Variants in STON1 observed in about 807,000 individuals in gnomAD.
STON1 encodes the protein stonin-1.
Under a neutral mutation model 60.9 loss-of-function variants are expected in STON1, and 79 were observed. The observed-to-expected ratio is 1.30, with a 90% CI of 1.08 to 1.56. The LOEUF is 1.56. Among genes scored for constraint, STON1 ranks in the 40% most tolerant of loss-of-function variants. The pLI is 0.00. For synonymous variants in STON1, 363 were observed against 306.9 expected, an observed-to-expected ratio of 1.18 and a Z score of -1.91; for missense variants, 1,166 against 858.9, an observed-to-expected ratio of 1.36 and a Z score of -4.47.
chr2:48,545,922 T>C (rs1282774305), intron 1 of STON1, among the ~76,000 whole-genome samples: 7 of 152,210 alleles, frequency 4.6e-5, no homozygotes, highest in Admixed American at 4.6e-4. Context: ...CTGTGGAGAA[T>C]GATGAGGGTG....
chr2:48,593,837 T>C (rs908061477), intron 3 of STON1, among the ~76,000 whole-genome samples: 5 of 152,202 alleles, frequency 3.3e-5, no homozygotes, highest in Non-Finnish European at 7.3e-5. Context: ...CAGTTATCTT[T>C]TTCTACTGAT....
chr2:48,539,272 T>C (rs755577810), intron 1 of STON1, among the ~76,000 whole-genome samples: 1 of 152,194 alleles, frequency 6.6e-6, no homozygotes, highest in Non-Finnish European at 1.5e-5. Context: ...TCTTTATTAA[T>C]ATAGATGTCT....
At chr2:48,592,224 A>G (rs145311318) in intron 3 of STON1, among the ~76,000 whole-genome samples, 117 of 152,336 alleles carry the variant, frequency 7.7e-4, no homozygotes, top group African/African-American at 2.7e-3. Context: ...GGAATGCCGT[A>G]TACTAAATTA....
chr2:48,551,639 C>G (rs1039192180), intron 1 of STON1, among the ~76,000 whole-genome samples: 6 of 152,276 alleles, frequency 3.9e-5, no homozygotes, highest in Non-Finnish European at 7.3e-5. Flanking sequence ...CTCTCCCTTT[C>G]TTTCCCAGCC....
intron 1 of STON1, among the ~76,000 whole-genome samples, chr2:48,572,822 C>A (rs964297312): frequency 6.6e-6 from 1 of 152,216 alleles, no homozygotes; most frequent in Non-Finnish European, 1.5e-5. Context: ...TGATTTCCTA[C>A]CTGTGAGCCT....
chr2:48,564,405 G>GTCTTCTTCTTCCTCTTCTTCT (rs1672740502), intron 1 of STON1, among the ~76,000 whole-genome samples: 1 of 82,940 alleles, frequency 1.2e-5, no homozygotes, highest in African/African-American at 4.6e-5. Context: ...CAGTGGCGGT[G>GTCTTCTTCTTCCTCTTCTTCT]TCTTCTTCTT....
chr2:48,578,508 C>T lies in STON1; in HGVS notation c.-47-2079C>T, dbSNP rs557809171. 4.7e-5 allele frequency among the ~76,000 whole-genome samples: 7 copies of T among 149,796 alleles called. No individual in the cohort carries two copies. The South Asian group carries it at 6.3e-4, about 14-fold the overall frequency. ...CACAATTCTAATTCTCCTTTTTCTC[C>T]TCCTCCTTCTCCGCTTCCTCTTTCT... On this transcript the variant is annotated intron_variant, in intron 1 of 3. Coordinates refer to ENST00000404752, the MANE Select transcript of STON1 (RefSeq NM_006873.4).
intron 1 of STON1, among the ~76,000 whole-genome samples, chr2:48,539,557 A>C (rs1350685245): frequency 6.6e-6 from 1 of 151,952 alleles, no homozygotes; most frequent in Non-Finnish European, 1.5e-5. Flanking sequence ...GCTGGAGTGC[A>C]GTGGTGTGAT....
chr2:48,581,348 G>T lies in STON1; in HGVS notation c.715G>T (p.Ala239Ser), dbSNP rs1176262598. The T allele has an allele frequency of 3.2e-6, 5 of 1,554,118 alleles. No homozygotes were observed. The highest frequency in any genetic ancestry group is 4.3e-6 in the Non-Finnish European group (5 of 1,152,310). The change falls in exon 2 of 4, where the codon GCT (alanine) becomes TCT (serine). Residue 239 changes from alanine to serine, a missense_variant. By Grantham distance (99) the Ala-to-Ser change is moderately conservative (BLOSUM62 1). Coordinates refer to ENST00000404752, the MANE Select transcript of STON1 (RefSeq NM_006873.4). ...TGAGAAGCTTGAACATCTCCAGTCA[G>T]CTGAGAACCAAGACTCACTTAGAAG... ...ICEKLEHLQSAENQDSLRSLS... is the reference protein window; with the variant it reads ...ICEKLEHLQSSENQDSLRSLS...
At chr2:48,546,756 G>T (rs1039187093) in intron 1 of STON1, among the ~76,000 whole-genome samples, 7 of 152,198 alleles carry the variant, frequency 4.6e-5, no homozygotes, top group African/African-American at 1.7e-4. Context: ...TAGAGATGGG[G>T]TGTCTTGCTA....
chr2:48,595,083 C>T, intron 3 of STON1, 145 bp from the exon 4 acceptor site: 1 of 668,688 alleles, frequency 1.5e-6, no homozygotes, highest in Non-Finnish European at 2.6e-6. Flanking sequence ...CACTTGGAAG[C>T]TACTGTAGGA....
chr2:48,584,444 T>G (rs148307037), intron 2 of STON1, among the ~76,000 whole-genome samples: 133 of 152,152 alleles, frequency 8.7e-4, no homozygotes, highest in African/African-American at 3.0e-3. Context: ...GTTTTTTTAT[T>G]TTTAGTAGAG....
In STON1 at chr2:48,591,806, A is replaced by C. The variant is rs1674530394; in HGVS notation, c.2084A>C (p.Asp695Ala). 1 of 1,614,152 alleles carries C rather than the reference A, an allele frequency of 6.2e-7. No homozygotes were observed. The highest frequency in any genetic ancestry group is 8.5e-7 in the Non-Finnish European group (1 of 1,180,026). Residue 695 changes from aspartate (D) to alanine (A), a missense_variant, in exon 3 of 4, where the codon GAT (aspartate) becomes GCT (alanine). Transcript: ENST00000404752. ...GTCAGGTCTCTGGGAGTGGAGAGTG[A>C]TGTCCAGCCACAGAAACATGTTCAG... ...TEVRSLGVESDVQPQKHVQQR... is the reference protein window; with the variant it reads ...TEVRSLGVESAVQPQKHVQQR...
intron 1 of STON1, among the ~76,000 whole-genome samples, chr2:48,564,573 CTCCTT>C (rs1242028053): frequency 3.3e-5 from 2 of 60,956 alleles, no homozygotes; most frequent in African/African-American, 1.3e-4. Flanking sequence ...TCTTCTCCTT[CTCCTT>C]CTCCTCCTCC....
chr2:48,530,655 C>T (rs1572914820), intron 1 of STON1: 1 of 153,052 alleles, frequency 6.5e-6, no homozygotes, highest in African/African-American at 2.4e-5. Context: ...CGGACTCCCT[C>T]CTCCTTCTGA....
intron 2 of STON1, among the ~76,000 whole-genome samples, chr2:48,589,413 A>G (rs998992998): frequency 3.3e-5 from 5 of 152,216 alleles, no homozygotes; most frequent in African/African-American, 1.2e-4. Context: ...TCTTTTATTC[A>G]TTAATTGGTG....
At chr2:48,557,876 A>G (rs917300082) in intron 1 of STON1, among the ~76,000 whole-genome samples, 1 of 152,210 alleles carries the variant, frequency 6.6e-6, no homozygotes, top group Non-Finnish European at 1.5e-5. Flanking sequence ...AGACATTACT[A>G]AAGTTAATGC....
chr2:48,590,461 T>C (rs1674445454), intron 2 of STON1, among the ~76,000 whole-genome samples: 1 of 152,238 alleles, frequency 6.6e-6, no homozygotes, highest in East Asian at 1.9e-4. Flanking sequence ...TCTCTAGCTA[T>C]GTCAGTGGTA....
chr2:48,564,736 T>A, intron 1 of STON1, among the ~76,000 whole-genome samples: 1 of 141,248 alleles, frequency 7.1e-6, no homozygotes, highest in East Asian at 2.0e-4. Context: ...TTTCTTTCTT[T>A]TTTTTTTTTT....
Sources: allele counts gnomAD v4.1 joint callset (sites outside exome capture counted in the v4.1 genomes callset), GRCh38; gene constraint gnomAD v4.1.1; transcripts MANE v1.5; gene names NCBI Gene and HGNC (gene_info 2026-07-23, HGNC 2026-07-21).